RBM25: variants seen among roughly 807,000 people sequenced by gnomAD.
RBM25 encodes the protein RNA-binding protein 25.
Under a neutral mutation model 120.7 loss-of-function variants are expected in RBM25, and 19 were observed. The ratio of observed to expected loss-of-function variants is 0.16; its 90% CI spans 0.11 to 0.23. The LOEUF is 0.23. Among genes scored for constraint, RBM25 ranks in the 10% least tolerant of loss-of-function variants. The probability of loss-of-function intolerance (pLI) is 1.00; values close to 1 mark genes in which losing one functional copy is unlikely to be tolerated. For synonymous variants in RBM25, 390 were observed against 326.7 expected (o/e 1.19, Z -2.09); for missense variants, 605 against 1,041.5 (o/e 0.58, Z 5.77).
At position 73,105,126 on chromosome 14, in the gene RBM25, C is replaced by CTTTTCTTT. The variant is rs762400883; in HGVS notation, c.1155-729_1155-728insCTTTTTTT. On this transcript the variant is annotated intron_variant, in intron 10 of 18. Transcript: ENST00000261973. ...TGTAATCTGCAGTTTGGTTTTATTACTTTTTTTTTTTTTTTTTTGGAGACG... is the reference window on the plus strand; with the variant it reads ...TGTAATCTGCAGTTTGGTTTTATTACTTTTCTTTTTTTTTTTTTTTTTTTTTGGAGACG... 8.1e-4 allele frequency among the ~76,000 whole-genome samples: 89 copies of CTTTTCTTT among 109,524 alleles called. 1 individual carries two copies. The highest frequency in any genetic ancestry group is 8.2e-4 in the African/African-American group (22 of 26,672). The allele number at this position is 109,524 out of a possible 152,430, so 71.9% of individuals were successfully genotyped here.
At chr14:73,091,027 G>T (rs1246959852) in intron 6 of RBM25, among the ~76,000 whole-genome samples, 1 of 152,188 alleles carries the variant, frequency 6.6e-6, no homozygotes, top group African/African-American at 2.4e-5. Flanking sequence ...TGAAAGTATG[G>T]ATTCAGTATC....
In RBM25 at chr14:73,121,285, T is replaced by C. The variant is rs1368726442; in HGVS notation, c.*1480T>C. 1 of 152,592 alleles carries C rather than the reference T, an allele frequency of 6.6e-6. No homozygotes were observed. The highest frequency in any genetic ancestry group is 1.5e-5 in the Non-Finnish European group (1 of 68,028). 9.5% of individuals were successfully genotyped at this position (152,592 alleles called of 1,614,324 possible). On this transcript the variant is annotated 3_prime_UTR_variant, in exon 19 of 19. Coordinates refer to ENST00000261973, the MANE Select transcript of RBM25 (RefSeq NM_021239.3). ...CTGATGTGGTTCCATTATGTAAATATTTCAAATATTAAAAATGTATATATT... is the reference window on the plus strand; with the variant it reads ...CTGATGTGGTTCCATTATGTAAATACTTCAAATATTAAAAATGTATATATT...
At chr14:73,061,053 CT>C (rs752576871) in intron 1 of RBM25, among the ~76,000 whole-genome samples, 1,816 of 141,922 alleles carry the variant, frequency 0.013, 37 homozygotes, top group African/African-American at 0.039. Flanking sequence ...AGTTGGTGTA[CT>C]TTTTTTTTTT....
chr14:73,081,324 G>A (rs1895559439), intron 4 of RBM25, among the ~76,000 whole-genome samples: 1 of 152,110 alleles, frequency 6.6e-6, no homozygotes, highest in African/African-American at 2.4e-5. Context: ...TTTTAGTAGA[G>A]ATGGGGTTTT....
intron 1 of RBM25, among the ~76,000 whole-genome samples, chr14:73,070,541 C>A (rs1002845164): frequency 1.3e-5 from 2 of 152,018 alleles, no homozygotes; most frequent in Non-Finnish European, 2.9e-5. Context: ...GAGTTTATTT[C>A]CCCCTGCTGA....
intron 12 of RBM25, 117 bp downstream of exon 12, chr14:73,106,402 T>C (rs1294181422): frequency 1.2e-6 from 1 of 833,106 alleles, no homozygotes; most frequent in Non-Finnish European, 1.7e-6. Flanking sequence ...TCATGTATAA[T>C]TTAATTTTTA....
At chr14:73,090,095 G>T (rs1459539898) in intron 6 of RBM25, among the ~76,000 whole-genome samples, 2 of 151,216 alleles carry the variant, frequency 1.3e-5, no homozygotes, top group Non-Finnish European at 2.9e-5. Flanking sequence ...TTGTTGCCCA[G>T]ACTGGAGTGC....
At chr14:73,112,090 C>T (rs1179488776) in intron 16 of RBM25, 62 bp from the exon 17 acceptor site, 1 of 1,426,082 alleles carries the variant, frequency 7.0e-7, no homozygotes, top group African/African-American at 1.4e-5. Context: ...AATCATGAAG[C>T]TTTAATAACT....
At chr14:73,085,976 C>G (rs1447423307) in intron 5 of RBM25, among the ~76,000 whole-genome samples, 1 of 151,226 alleles carries the variant, frequency 6.6e-6, no homozygotes, top group Admixed American at 6.7e-5. Context: ...CACTTTACAT[C>G]TCCAGTGGTT....
At chr14:73,103,994 A>ACTCTCTCT (rs1209592511) in intron 10 of RBM25, among the ~76,000 whole-genome samples, 65 of 99,440 alleles carry the variant, frequency 6.5e-4, no homozygotes, top group African/African-American at 2.1e-3. Context: ...ACACACACAC[A>ACTCTCTCT]CTCTCTCTCT....
In RBM25 at chr14:73,096,941, T is replaced by A. The variant is rs1224838126; in HGVS notation, c.570T>A (p.Asn190Lys). 6.2e-7 allele frequency: 1 copy of A among 1,613,006 alleles called. No individual in the cohort carries two copies. Among genetic ancestry groups the A allele is most frequent in the South Asian group, 1.1e-5 (1 of 90,692 alleles). ...NGNARPETVT[N>K]DDEEALDEET... ...ATGCAAGGCCAGAAACTGTCACTAA[T>A]GACGATGAAGAAGCCTTGGATGAAG... is the stretch of plus-strand genomic sequence containing the variant. The change falls in exon 7 of 19, where the codon AAT becomes AAA. Residue 190 changes from asparagine (N) to lysine (K), a missense_variant. By Grantham distance (94) the Asn-to-Lys change is moderately conservative. This residue lies in a region of RBM25 where 465 missense variants were observed against 741.6 expected (regional missense o/e 0.63). Transcript: ENST00000261973.
Position 73,122,989 on chromosome 14 carries a change from C to T in RBM25, c.*3184C>T, listed in dbSNP as rs903676803. The T allele has an allele frequency of 7.2e-5, 11 of 152,110 alleles. No individual in the cohort carries two copies. Among genetic ancestry groups the T allele is most frequent in the Admixed American group, 3.3e-4 (5 of 15,272 alleles). The allele number at this position is 152,110 out of a possible 1,614,324, so 9.4% of individuals were successfully genotyped here. A position where few individuals can be genotyped will look rare whatever the true frequency, so the allele number is the denominator to read the frequency against. On this transcript the variant is annotated 3_prime_UTR_variant, in exon 19 of 19. Coordinates refer to ENST00000261973, the MANE Select transcript of RBM25 (RefSeq NM_021239.3). Reference sequence around the variant, plus strand: ...GAGGCAAATACACGTAACTCATGAACGTAATGTAATCTTGCAAAATTATGT... The same window carrying T: ...GAGGCAAATACACGTAACTCATGAATGTAATGTAATCTTGCAAAATTATGT...
At chr14:73,105,038 T>TACACACACACACACATAC (rs1555346299) in intron 10 of RBM25, among the ~76,000 whole-genome samples, 1 of 141,146 alleles carries the variant, frequency 7.1e-6, no homozygotes, top group African/African-American at 2.7e-5. Flanking sequence ...ACATATTAAA[T>TACACACACACACACATAC]ACACACACAC....
At position 73,111,703 on chromosome 14, in the gene RBM25, T is replaced by C. The variant is rs1162434912; in HGVS notation, c.2193T>C (p.Thr731=). The change falls in exon 16 of 19, where the codon ACT becomes ACC. Residue 731 remains threonine, a synonymous_variant. Coordinates refer to ENST00000261973, the MANE Select transcript of RBM25 (RefSeq NM_021239.3). ...ATGCAACCAAAGGCACTGTAAACAC[T>C]GAAGAAAAGCGTAAACACATTAAGA... The part of the protein sequence containing the change: ...DKNATKGTVN[T]EEKRKHIKSL... 1.9e-6 allele frequency: 3 copies of C among 1,614,138 alleles called. No homozygotes were observed. The South Asian group carries it at 3.3e-5, about 18-fold the overall frequency.
In RBM25 at chr14:73,088,620, A is replaced by T. The variant is rs377533116; in HGVS notation, c.543+459A>T. Reference sequence around the variant, plus strand: ...AAGCTCTACTAAGTGAAGCTAAAATAAAGGACATTGTTGTATATTGTATTT... The same window carrying T: ...AAGCTCTACTAAGTGAAGCTAAAATTAAGGACATTGTTGTATATTGTATTT... On this transcript the variant is annotated intron_variant, in intron 6 of 18. Coordinates refer to ENST00000261973, the MANE Select transcript of RBM25 (RefSeq NM_021239.3). The T allele has an allele frequency of 2.9e-3, 944 of 331,022 alleles. 20 individuals carry two copies. Among genetic ancestry groups the T allele is most frequent in the South Asian group, 0.023 (932 of 41,060 alleles). The allele number at this position is 331,022 out of a possible 1,614,324, so 20.5% of individuals were successfully genotyped here.
In RBM25 at chr14:73,119,917, T is replaced by TGG; in HGVS notation, c.*113_*114insGG. ...TGTGAGATCTGTAATTTTTTTTTTT[T>TGG]GTAGAAAATGTGAATTTTTTGGTCC... On this transcript the variant is annotated 3_prime_UTR_variant, in exon 19 of 19. Transcript: ENST00000261973. The TGG allele has an allele frequency of 7.1e-7, 1 of 1,415,430 alleles. No homozygotes were observed. The highest frequency in any genetic ancestry group is 9.3e-7 in the Non-Finnish European group (1 of 1,081,062). The allele number at this position is 1,415,430 out of a possible 1,614,324, so 87.7% of individuals were successfully genotyped here.
intron 1 of RBM25, among the ~76,000 whole-genome samples, chr14:73,070,291 A>AAAGC (rs1394821819): frequency 6.6e-6 from 1 of 152,060 alleles, no homozygotes; most frequent in African/African-American, 2.4e-5. Context: ...TCCTGACCTC[A>AAAGC]GGTTTTCCAC....
chr14:73,106,224 G>A lies in RBM25; in HGVS notation c.1406G>A (p.Arg469Gln), dbSNP rs888560303. 6.3e-7 allele frequency: 1 copy of A among 1,594,410 alleles called. No individual in the cohort carries two copies. Among genetic ancestry groups the A allele is most frequent in the South Asian group, 1.2e-5 (1 of 86,276 alleles). The change falls in exon 12 of 19, where the codon CGA becomes CAA. Residue 469 changes from arginine (R) to glutamine (Q), a missense_variant. This residue lies in a region of RBM25 where 465 missense variants were observed against 741.6 expected (regional missense o/e 0.63). Transcript: ENST00000261973. ...ERLKNWEIRERKKTREYEKEA... is the reference protein window; with the variant it reads ...ERLKNWEIREQKKTREYEKEA... ...CTTAAGAATTGGGAAATCAGAGAAC[G>A]AAAGAAAACCCGGGAATATGAGAAA...
chr14:73,116,416 G>T (rs987535439), intron 18 of RBM25, among the ~76,000 whole-genome samples: 2 of 152,214 alleles, frequency 1.3e-5, no homozygotes, highest in African/African-American at 2.4e-5. Flanking sequence ...AAGAAGGATT[G>T]TGAGGTCTAG....
Sources: allele counts gnomAD v4.1 joint callset (sites outside exome capture counted in the v4.1 genomes callset), GRCh38; gene constraint gnomAD v4.1.1; regional missense constraint gnomAD v4.1.1; transcripts MANE v1.5; gene names NCBI Gene and HGNC (gene_info 2026-07-23, HGNC 2026-07-21).